MGAT4C: variants seen among roughly 807,000 people sequenced by gnomAD.
MGAT4C encodes MGAT4 family member C.
MGAT4C carries 19 observed loss-of-function variants against 40.1 expected under a neutral mutation model. The ratio of observed to expected loss-of-function variants is 0.47; its 90% CI spans 0.33 to 0.70. MGAT4C has a LOEUF of 0.70. Among genes scored for constraint, MGAT4C ranks in the 30% least tolerant of loss-of-function variants. MGAT4C has a pLI of 0.02. For missense variants in MGAT4C, 491 were observed against 563.2 expected, an observed-to-expected ratio of 0.87 and a Z score of 1.30; for synonymous variants, 181 against 187.1, an observed-to-expected ratio of 0.97 and a Z score of 0.27.
chr12:86,682,249 T>C (rs1949996742), intron 2 of MGAT4C, among the ~76,000 whole-genome samples: 1 of 152,068 alleles, frequency 6.6e-6, no homozygotes, highest in East Asian at 1.9e-4. Context: ...GGAGTTAATA[T>C]TTATTAAATA....
chr12:86,276,329 A>G lies in MGAT4C; in HGVS notation c.-57+57736T>C, dbSNP rs149813579. ...GTCTATATTTAACGAGGTACATGAG[A>G]TATTTTGATGTAGGCATACAATGTG... On this transcript the variant is annotated intron_variant, in intron 4 of 7. Transcript: ENST00000548651. 6.6e-5 allele frequency among the ~76,000 whole-genome samples: 10 copies of G among 152,276 alleles called. No homozygotes were observed. The East Asian group carries it at 1.7e-3, about 26-fold the overall frequency.
At chr12:86,489,499 G>T (rs1565797142) in intron 2 of MGAT4C, among the ~76,000 whole-genome samples, 1 of 152,206 alleles carries the variant, frequency 6.6e-6, no homozygotes, top group Non-Finnish European at 1.5e-5. Flanking sequence ...ACAAGGCAAA[G>T]GGCCTATTGA....
At chr12:86,191,053 A>T (rs55832610) in intron 1 of MGAT4C, among the ~76,000 whole-genome samples, 12,519 of 150,278 alleles carry the variant, frequency 0.083, 620 homozygotes, top group Middle Eastern at 0.23. Flanking sequence ...ACAATCAGGA[A>T]CCAATTTCTT....
At chr12:86,786,581 C>CT (rs148441387) in intron 1 of MGAT4C, among the ~76,000 whole-genome samples, 131 of 147,638 alleles carry the variant, frequency 8.9e-4, no homozygotes, top group East Asian at 2.0e-3. Flanking sequence ...TCTGCTCAAA[C>CT]TTTTTTTTTT....
chr12:86,268,207 C>A (rs796980127), intron 4 of MGAT4C, among the ~76,000 whole-genome samples: 1 of 152,058 alleles, frequency 6.6e-6, no homozygotes, highest in East Asian at 1.9e-4. Context: ...TCTCATTCAG[C>A]CTACAAATTT....
intron 2 of MGAT4C, among the ~76,000 whole-genome samples, chr12:86,501,307 T>C (rs900385328): frequency 2.6e-5 from 4 of 152,236 alleles, no homozygotes; most frequent in Middle Eastern, 6.8e-3. Flanking sequence ...TTATTTGTTT[T>C]TCCCCCTTAG....
Position 86,408,477 on chromosome 12 carries a change from CTCTATATATATATA to C in MGAT4C, c.-120+26666_-120+26679del, listed in dbSNP as rs1425347032. On this transcript the variant is annotated intron_variant, in intron 3 of 7. Coordinates refer to the MGAT4C transcript ENST00000548651. Reference sequence around the variant, plus strand: ...TCTCTCTCTCTCTCTCTCTCTCTCTCTCTATATATATATATATATATATATATATATATATATTC... The same window carrying C: ...TCTCTCTCTCTCTCTCTCTCTCTCTCTATATATATATATATATATATATTC... Among the ~76,000 whole-genome samples, 13 of 97,568 alleles carry C rather than the reference CTCTATATATATATA, an allele frequency of 1.3e-4. No homozygotes were observed. In the East Asian group the frequency reaches 1.6e-3, roughly 12 times the overall value. 64.0% of individuals were successfully genotyped at this position (97,568 alleles called of 152,430 possible).
At chr12:86,793,546 A>T (rs1952062764) in intron 1 of MGAT4C, among the ~76,000 whole-genome samples, 1 of 152,060 alleles carries the variant, frequency 6.6e-6, no homozygotes, top group Middle Eastern at 3.2e-3. Context: ...AACCTAGATG[A>T]TTTTAAAACT....
chr12:86,241,687 T>C (rs1329955073), intron 1 of MGAT4C, among the ~76,000 whole-genome samples: 2 of 152,146 alleles, frequency 1.3e-5, no homozygotes, highest in Non-Finnish European at 2.9e-5. Context: ...AGCAGTTGAT[T>C]GCAGGCTGGC....
intron 2 of MGAT4C, among the ~76,000 whole-genome samples, chr12:86,711,242 G>A (rs1565941880): frequency 1.3e-5 from 2 of 152,046 alleles, no homozygotes; most frequent in Non-Finnish European, 2.9e-5. Context: ...AATGTAGGAA[G>A]AGAAACAGTA....
intron 1 of MGAT4C, among the ~76,000 whole-genome samples, chr12:86,211,028 C>T (rs1412123018): frequency 6.6e-6 from 1 of 151,790 alleles, no homozygotes; most frequent in Non-Finnish European, 1.5e-5. Context: ...AGAGGATAGA[C>T]ATCTAACTCA....
At chr12:86,499,676 T>C (rs760350037) in intron 2 of MGAT4C, among the ~76,000 whole-genome samples, 1 of 151,932 alleles carries the variant, frequency 6.6e-6, no homozygotes, top group Non-Finnish European at 1.5e-5. Flanking sequence ...GTACAATCAC[T>C]TTCTAATAAT....
intron 4 of MGAT4C, among the ~76,000 whole-genome samples, chr12:86,322,019 T>A (rs1954402151): frequency 6.6e-6 from 1 of 151,932 alleles, no homozygotes; most frequent in Admixed American, 6.6e-5. Flanking sequence ...ATGGCACATA[T>A]ACACCATGGA....
chr12:86,570,282 T>C (rs558173733), intron 2 of MGAT4C, among the ~76,000 whole-genome samples: 1 of 146,542 alleles, frequency 6.8e-6, no homozygotes, highest in East Asian at 2.1e-4. Flanking sequence ...TATTTAAATG[T>C]CATGCTGCAC....
At chr12:86,458,618 C>A (rs1427529347) in intron 2 of MGAT4C, among the ~76,000 whole-genome samples, 1 of 152,096 alleles carries the variant, frequency 6.6e-6, no homozygotes, top group Non-Finnish European at 1.5e-5. Context: ...TTCTGAAAGA[C>A]CGTATTAAGA....
intron 2 of MGAT4C, among the ~76,000 whole-genome samples, chr12:86,509,789 T>C (rs1430648170): frequency 1.3e-5 from 2 of 152,182 alleles, no homozygotes; most frequent in Non-Finnish European, 2.9e-5. Flanking sequence ...CCCTTGTAAG[T>C]TGGATTCCTA....
At chr12:86,472,556 A>G (rs1355828997) in intron 2 of MGAT4C, among the ~76,000 whole-genome samples, 3 of 152,256 alleles carry the variant, frequency 2.0e-5, no homozygotes, top group Middle Eastern at 3.4e-3. Flanking sequence ...TCATCCATCT[A>G]TATATATTAT....
At chr12:86,535,523 C>T (rs905195777) in intron 2 of MGAT4C, among the ~76,000 whole-genome samples, 9 of 151,994 alleles carry the variant, frequency 5.9e-5, no homozygotes, top group African/African-American at 2.2e-4. Flanking sequence ...CTCAGCTTCC[C>T]CTTCCAATTG....
At chr12:86,398,587 C>T (rs1367446783) in intron 3 of MGAT4C, among the ~76,000 whole-genome samples, 1 of 151,590 alleles carries the variant, frequency 6.6e-6, no homozygotes, top group Non-Finnish European at 1.5e-5. Flanking sequence ...AGTCCCATAG[C>T]CCTTTTAATA....
Sources: gnomAD v4.1 joint callset for allele counts (sites outside exome capture counted in the v4.1 genomes callset) on GRCh38, gnomAD v4.1.1 for gene constraint, MANE v1.5 for transcripts, NCBI Gene and HGNC (gene_info 2026-07-23, HGNC 2026-07-21) for gene names.